PITPNM3: variants seen among roughly 807,000 people sequenced by gnomAD.
PITPNM3 encodes membrane-associated phosphatidylinositol transfer protein 3.
Under a neutral mutation model 102.0 loss-of-function variants are expected in PITPNM3, and 26 were observed. The ratio of observed to expected loss-of-function variants is 0.25; its 90% confidence interval spans 0.19 to 0.35. PITPNM3 has a LOEUF of 0.35. Among genes scored for constraint, PITPNM3 ranks in the 10% least tolerant of loss-of-function variants. The pLI, the probability that PITPNM3 is intolerant of heterozygous loss-of-function variation, is 1.00. For synonymous variants in PITPNM3, 578 were observed against 558.6 expected (o/e 1.03, Z -0.49); for missense variants, 1,083 against 1,346.1 (o/e 0.80, Z 3.06).
At chr17:6,484,665 G>A (rs1002677781) in intron 4 of PITPNM3, among the ~76,000 whole-genome samples, 7 of 152,226 alleles carry the variant, frequency 4.6e-5, no homozygotes, top group Admixed American at 3.3e-4. Context: ...GCCTCCCGCT[G>A]AGAACAACTA....
rs1309141054 is a variant in PITPNM3 at position 6,505,196 on chromosome 17, AT to A, written c.227-1623del. 1.9e-4 allele frequency among the ~76,000 whole-genome samples: 4 copies of A among 21,388 alleles called. 1 individual carries two copies. Among genetic ancestry groups the A allele is most frequent in the African/African-American group, 4.0e-4 (4 of 9,934 alleles). The allele number at this position is 21,388 out of a possible 152,430, so 14.0% of individuals were successfully genotyped here. ...GTCTCCAAAAAAGAAGACAAATAAAATATATATATATATATATATGTAAAGC... is the reference window on the plus strand; with the variant it reads ...GTCTCCAAAAAAGAAGACAAATAAAAATATATATATATATATATGTAAAGC... On this transcript the variant is annotated intron_variant, in intron 3 of 19. Transcript: ENST00000262483.
At chr17:6,526,422 C>G (rs1216035126) in intron 2 of PITPNM3, among the ~76,000 whole-genome samples, 1 of 152,186 alleles carries the variant, frequency 6.6e-6, no homozygotes, top group Non-Finnish European at 1.5e-5. Flanking sequence ...CCTCGCAGAA[C>G]AGACATCAAA....
chr17:6,455,484 T>C lies in PITPNM3; in HGVS notation c.2779A>G (p.Met927Val), dbSNP rs763355277. The change falls in exon 20 of 20, where the codon ATG (methionine) becomes GTG (valine). Residue 927 changes from methionine to valine, a missense_variant. Met to Val is a conservative substitution (Grantham distance 21, BLOSUM62 1). Coordinates refer to ENST00000262483, the MANE Select transcript of PITPNM3 (RefSeq NM_031220.4). ...LRKRNHLRRT[M>V]SVQQPDPPAA... ...GGCGGGTCGGGCTGCTGCACTGACA[T>C]GGTTCTGCGCAGGTGGTTGCGCTTC... The C allele has an allele frequency of 4.5e-5, 73 of 1,605,770 alleles. No homozygotes were observed. The highest frequency in any genetic ancestry group is 5.8e-5 in the Non-Finnish European group (69 of 1,179,576).
chr17:6,494,686 G>T (rs1253567504), intron 4 of PITPNM3, among the ~76,000 whole-genome samples: 1 of 152,166 alleles, frequency 6.6e-6, no homozygotes, highest in Non-Finnish European at 1.5e-5. Context: ...GTGGAAAAAC[G>T]ATCTCTTCAT....
At chr17:6,529,455 G>T (rs866782570) in intron 2 of PITPNM3, among the ~76,000 whole-genome samples, 2 of 152,072 alleles carry the variant, frequency 1.3e-5, no homozygotes, top group African/African-American at 4.8e-5. Flanking sequence ...TTAGCTGGGC[G>T]TGGGGGCGGG....
rs1206290088 is a variant in PITPNM3, at chr17:6,483,857, A to G, written c.352-105T>C. 7.5e-5 allele frequency: 74 copies of G among 984,180 alleles called. 1 individual carries two copies. In the South Asian group the frequency reaches 9.7e-4, roughly 13 times the overall value. The allele number at this position is 984,180 out of a possible 1,614,324, so 61.0% of individuals were successfully genotyped here. A position where few individuals can be genotyped will look rare whatever the true frequency, so the allele number is the denominator to read the frequency against. ...TGCGCATACACACACACTCACACAC[A>G]CGCACACACGGGGAGACTGAGGCCA... On this transcript the variant is annotated intron_variant, in intron 5 of 19. Coordinates refer to ENST00000262483, the MANE Select transcript of PITPNM3 (RefSeq NM_031220.4).
At chr17:6,456,970 C>T (rs1049296102) in intron 19 of PITPNM3, among the ~76,000 whole-genome samples, 4 of 152,184 alleles carry the variant, frequency 2.6e-5, no homozygotes, top group African/African-American at 4.8e-5. Flanking sequence ...CCACCTGCCA[C>T]CTGCAGCCTG....
chr17:6,456,052 C>G (rs1399302632), intron 19 of PITPNM3, among the ~76,000 whole-genome samples: 2 of 151,990 alleles, frequency 1.3e-5, no homozygotes, highest in Non-Finnish European at 2.9e-5. Context: ...GAGAAAGGGT[C>G]TCGCTGTGTC....
intron 3 of PITPNM3, among the ~76,000 whole-genome samples, chr17:6,522,146 C>T (rs1908565054): frequency 6.6e-6 from 1 of 152,130 alleles, no homozygotes; most frequent in African/African-American, 2.4e-5. Flanking sequence ...CAGCAGGAAA[C>T]AAGGCCGGTC....
chr17:6,553,293 G>T lies in PITPNM3; in HGVS notation c.22+3092C>A, dbSNP rs532719828. 2.0e-5 allele frequency among the ~76,000 whole-genome samples: 3 copies of T among 152,268 alleles called. No homozygotes were observed. The South Asian group carries it at 6.2e-4, about 32-fold the overall frequency. ...GGGCCACCATAAATGATGCCTTTCT[G>T]TGTAACTGAAATCTCCCCTAGAGAT... On this transcript the variant is annotated intron_variant, in intron 1 of 19. Transcript: ENST00000262483.
At chr17:6,516,538 T>G (rs1292371740) in intron 3 of PITPNM3, among the ~76,000 whole-genome samples, 1 of 127,342 alleles carries the variant, frequency 7.9e-6, no homozygotes, top group Admixed American at 1.0e-4. Context: ...CACTCCAGCG[T>G]GGGCGACAGA....
chr17:6,487,339 G>T (rs1161182547), intron 4 of PITPNM3, among the ~76,000 whole-genome samples: 1 of 152,194 alleles, frequency 6.6e-6, no homozygotes, highest in Non-Finnish European at 1.5e-5. Flanking sequence ...AAAGGGCTTA[G>T]AGCAGGGTGT....
intron 1 of PITPNM3, among the ~76,000 whole-genome samples, chr17:6,541,081 C>T (rs957213252): frequency 6.6e-6 from 1 of 152,130 alleles, no homozygotes. Context: ...CCTGCAAAAA[C>T]AGATATGTTA....
intron 4 of PITPNM3, among the ~76,000 whole-genome samples, chr17:6,496,803 C>A (rs918859415): frequency 2.6e-5 from 4 of 152,120 alleles, no homozygotes; most frequent in African/African-American, 9.7e-5. Flanking sequence ...GGAAGCTGCA[C>A]GTGCCCCAGC....
intron 1 of PITPNM3, among the ~76,000 whole-genome samples, chr17:6,544,467 G>A (rs1882088361): frequency 6.6e-6 from 1 of 152,164 alleles, no homozygotes; most frequent in Non-Finnish European, 1.5e-5. Flanking sequence ...AGCAGGTTGA[G>A]GCTGCATTGA....
At position 6,556,484 on chromosome 17, in the gene PITPNM3, C is replaced by G. The variant is rs905859922; in HGVS notation, c.-78G>C. The G allele has an allele frequency of 6.9e-6, 7 of 1,007,840 alleles. No individual in the cohort carries two copies. The highest frequency in any genetic ancestry group is 1.7e-5 in the African/African-American group (1 of 57,522). 62.4% of individuals were successfully genotyped at this position (1,007,840 alleles called of 1,614,324 possible). On this transcript the variant is annotated 5_prime_UTR_variant, in exon 1 of 20. Transcript: ENST00000262483. The surrounding 1 kb of genome is among the most constrained non-coding windows in gnomAD (Gnocchi z 5.2). Reference sequence around the variant, plus strand: ...GCCCGGCCCCGACCGCCTCCGGCCCCGAACGGACTCCGAGCGCCGCGCCCG... The same window carrying G: ...GCCCGGCCCCGACCGCCTCCGGCCCGGAACGGACTCCGAGCGCCGCGCCCG...
intron 1 of PITPNM3, among the ~76,000 whole-genome samples, chr17:6,547,481 G>A (rs1457273298): frequency 6.6e-6 from 1 of 152,124 alleles, no homozygotes; most frequent in Admixed American, 6.5e-5. Context: ...CCATAAGGAG[G>A]AGGCTCTCTC....
intron 10 of PITPNM3, chr17:6,473,283 T>A (rs972776464): frequency 4.1e-6 from 1 of 246,772 alleles, no homozygotes; most frequent in South Asian, 4.9e-5. Context: ...GCTGCTAGAG[T>A]TCCAGGTTTG....
intron 2 of PITPNM3, among the ~76,000 whole-genome samples, chr17:6,535,640 C>A (rs980589754): frequency 6.6e-6 from 1 of 151,920 alleles, no homozygotes; most frequent in Admixed American, 6.6e-5. Context: ...AGGAAGTGGC[C>A]GGGTGCGGTG....
Sources: allele counts gnomAD v4.1 joint callset (sites outside exome capture counted in the v4.1 genomes callset), GRCh38; gene constraint gnomAD v4.1.1; non-coding constraint Gnocchi (gnomAD v3.1); transcripts MANE v1.5; gene names NCBI Gene and HGNC (gene_info 2026-07-23, HGNC 2026-07-21).